Variants in RSU1 observed in about 807,000 individuals in gnomAD.
The protein encoded by RSU1 is rsu-1.
In RSU1, 26 loss-of-function variants were observed where a neutral mutation model predicts 31.1. The ratio of observed to expected loss-of-function variants is 0.84; its 90% CI spans 0.61 to 1.16. The LOEUF (loss-of-function observed/expected upper bound fraction) is 1.16. Among genes scored for constraint, RSU1 ranks in the 50% most tolerant of loss-of-function variants. The pLI, the probability that RSU1 is intolerant of heterozygous loss-of-function variation, is 0.00. For missense variants in RSU1, 320 were observed against 339.1 expected (o/e 0.94, Z 0.44); for synonymous variants, 164 against 136.3 (o/e 1.20, Z -1.41).
In RSU1 at chr10:16,754,928, C is replaced by G. The variant is rs1837053750; in HGVS notation, c.343G>C (p.Asp115His). The G allele has an allele frequency of 6.2e-7, 1 of 1,613,446 alleles. No individual in the cohort carries two copies. ...FGSLPALEVL[D>H]LTYNNLSENS... ...TCGCTCAAGTTGTTGTACGTCAAGT[C>G]CAGAACCTCAAGAGCTGGCAGGGAG... Residue 115 changes from aspartate (D) to histidine (H), a missense_variant, in exon 5 of 9, where the codon GAC becomes CAC. Transcript: ENST00000345264.
chr10:16,789,104 A>G (rs1469076695), intron 2 of RSU1, among the ~76,000 whole-genome samples: 1 of 152,266 alleles, frequency 6.6e-6, no homozygotes, highest in Non-Finnish European at 1.5e-5. Flanking sequence ...CAGGTTCACG[A>G]GGACAGATTT....
In RSU1 at chr10:16,691,007, C is replaced by T. The variant is rs531511385; in HGVS notation, c.731+4016G>A. ...AAGTATGCGGCTTAAACAACAGAGA[C>T]AAAGAAGTGAAAATTAGGAACTATA... On this transcript the variant is annotated intron_variant, in intron 8 of 8. Coordinates refer to ENST00000345264, the MANE Select transcript of RSU1 (RefSeq NM_012425.4). 7.9e-5 allele frequency among the ~76,000 whole-genome samples: 12 copies of T among 151,810 alleles called. No homozygotes were observed. The South Asian group carries it at 2.1e-3, about 26-fold the overall frequency.
chr10:16,780,771 G>A (rs370542080), intron 3 of RSU1, among the ~76,000 whole-genome samples: 3 of 152,090 alleles, frequency 2.0e-5, no homozygotes, highest in African/African-American at 4.8e-5. Context: ...TGTGGACCAC[G>A]GGACCATTTC....
intron 8 of RSU1, among the ~76,000 whole-genome samples, chr10:16,601,635 T>C (rs375479900): frequency 3.3e-5 from 5 of 152,302 alleles, no homozygotes; most frequent in East Asian, 1.9e-4. Flanking sequence ...TCCTGGTGCA[T>C]GGATGAAAAA....
At chr10:16,805,512 A>T (rs1469928771) in intron 2 of RSU1, among the ~76,000 whole-genome samples, 1 of 151,318 alleles carries the variant, frequency 6.6e-6, no homozygotes, top group Non-Finnish European at 1.5e-5. Context: ...TCTACTAAAA[A>T]TACAAAAAAA....
intron 7 of RSU1, among the ~76,000 whole-genome samples, chr10:16,726,193 A>T (rs1836389235): frequency 6.6e-6 from 1 of 151,826 alleles, no homozygotes; most frequent in Admixed American, 6.6e-5. Flanking sequence ...ACATTTAAAA[A>T]TATTATGCTT....
intron 4 of RSU1, among the ~76,000 whole-genome samples, chr10:16,755,559 A>G (rs761411780): frequency 2.0e-5 from 3 of 152,120 alleles, no homozygotes; most frequent in African/African-American, 2.4e-5. Context: ...ACTATTTAAC[A>G]CACGCGCTGC....
At chr10:16,788,067 C>T (rs972502677) in intron 2 of RSU1, among the ~76,000 whole-genome samples, 1 of 152,112 alleles carries the variant, frequency 6.6e-6, no homozygotes, top group African/African-American at 2.4e-5. Context: ...ATTGCTCTAT[C>T]CCTGAGATGT....
chr10:16,742,593 G>C (rs990289069), intron 7 of RSU1, among the ~76,000 whole-genome samples: 5 of 151,032 alleles, frequency 3.3e-5, no homozygotes, highest in African/African-American at 1.2e-4. Context: ...TGTATTTAGA[G>C]ACATGCCTCT....
chr10:16,658,995 T>C (rs1421875156), intron 8 of RSU1, among the ~76,000 whole-genome samples: 1 of 152,210 alleles, frequency 6.6e-6, no homozygotes, highest in Non-Finnish European at 1.5e-5. Context: ...GCTCTCTAAT[T>C]ACAACTGAAG....
intron 8 of RSU1, among the ~76,000 whole-genome samples, chr10:16,657,590 T>C (rs1314980135): frequency 4.6e-5 from 7 of 152,116 alleles, no homozygotes; most frequent in Non-Finnish European, 8.8e-5. Context: ...TCTGTGTTTG[T>C]TTGCATAGAC....
At chr10:16,617,929 A>C (rs1834006006) in intron 8 of RSU1, among the ~76,000 whole-genome samples, 1 of 152,232 alleles carries the variant, frequency 6.6e-6, no homozygotes, top group African/African-American at 2.4e-5. Flanking sequence ...ATGGGCAAAG[A>C]CTTCATGACT....
chr10:16,632,123 C>T (rs1424256001), intron 8 of RSU1, among the ~76,000 whole-genome samples: 13 of 152,136 alleles, frequency 8.5e-5, no homozygotes, highest in Non-Finnish European at 1.9e-4. Context: ...GCAACACTTG[C>T]ATCATTATCT....
At chr10:16,648,270 G>A (rs1022081548) in intron 8 of RSU1, among the ~76,000 whole-genome samples, 5 of 151,940 alleles carry the variant, frequency 3.3e-5, no homozygotes, top group East Asian at 3.9e-4. Flanking sequence ...CTAGCGTTAC[G>A]TGCTTTCTTC....
intron 7 of RSU1, among the ~76,000 whole-genome samples, chr10:16,715,199 T>C (rs1413873834): frequency 6.6e-6 from 1 of 152,238 alleles, no homozygotes; most frequent in East Asian, 1.9e-4. Flanking sequence ...TTAGATCCCC[T>C]TTTGGGGGAG....
intron 3 of RSU1, among the ~76,000 whole-genome samples, chr10:16,772,683 C>T (rs1009948918): frequency 1.4e-5 from 2 of 146,166 alleles, no homozygotes; most frequent in Non-Finnish European, 3.0e-5. Context: ...AACTTCAATC[C>T]ATCAATGGAA....
At chr10:16,661,228 C>T (rs1386621714) in intron 8 of RSU1, among the ~76,000 whole-genome samples, 1 of 150,856 alleles carries the variant, frequency 6.6e-6, no homozygotes, top group African/African-American at 2.4e-5. Flanking sequence ...TTATGTTATT[C>T]CCTGTTTGGT....
chr10:16,636,252 C>T (rs1396624748), intron 8 of RSU1, among the ~76,000 whole-genome samples: 3 of 152,038 alleles, frequency 2.0e-5, no homozygotes, highest in Admixed American at 2.0e-4. Context: ...CTTTAACTAT[C>T]CCCAAACTGC....
intron 2 of RSU1, among the ~76,000 whole-genome samples, chr10:16,788,952 A>G (rs1837855828): frequency 6.6e-6 from 1 of 152,224 alleles, no homozygotes; most frequent in Admixed American, 6.5e-5. Context: ...CCTGCAGACC[A>G]TCCATCTGAG....
Sources: allele counts gnomAD v4.1 joint callset (sites outside exome capture counted in the v4.1 genomes callset), GRCh38; gene constraint gnomAD v4.1.1; transcripts MANE v1.5; gene names NCBI Gene and HGNC (gene_info 2026-07-23, HGNC 2026-07-21).